The following SLC39A14 variants were observed in gnomAD, a reference collection of about 807,000 sequenced individuals.
SLC39A14 encodes metal cation symporter ZIP14.
Under a neutral mutation model 45.5 loss-of-function variants are expected in SLC39A14, and 19 were observed. That is an observed-to-expected ratio of 0.42 (90% CI 0.29 to 0.61). The LOEUF (loss-of-function observed/expected upper bound fraction) is 0.61. Ranked by LOEUF, SLC39A14 falls within the 20% of genes least tolerant of loss-of-function variation. SLC39A14 has a pLI of 0.22. For missense variants in SLC39A14, 447 were observed against 616.5 expected (o/e 0.73, Z 2.91); for synonymous variants, 264 against 251.3 (o/e 1.05, Z -0.48).
At chr8:22,428,847 G>T (rs1273886472) in intron 8 of SLC39A14, among the ~76,000 whole-genome samples, 1 of 152,196 alleles carries the variant, frequency 6.6e-6, no homozygotes, top group Non-Finnish European at 1.5e-5. Context: ...ACTTAAAGCA[G>T]CCTTGTAAAC....
In SLC39A14 at chr8:22,408,295, C is replaced by T; in HGVS notation, c.271-15C>T. The T allele has an allele frequency of 3.7e-6, 6 of 1,609,530 alleles. No homozygotes were observed. Among genetic ancestry groups the T allele is most frequent in the Non-Finnish European group, 5.1e-6 (6 of 1,176,428 alleles). ...TTTGGGGTCTAAGCGGCTTCCTGCC[C>T]TTCCTGTGTTTCAGTGCTTTAGTTC... is the stretch of plus-strand genomic sequence containing the variant. On this transcript the variant is annotated splice_polypyrimidine_tract_variant and intron_variant, in intron 2 of 8. Transcript: ENST00000381237.
intron 8 of SLC39A14, among the ~76,000 whole-genome samples, chr8:22,429,291 A>C (rs2132401624): frequency 6.6e-6 from 1 of 152,290 alleles, no homozygotes; most frequent in Middle Eastern, 3.4e-3. Flanking sequence ...CAAACAAAAA[A>C]AGAACACAGG....
At chr8:22,382,208 A>G (rs558685174) in intron 1 of SLC39A14, among the ~76,000 whole-genome samples, 1 of 152,328 alleles carries the variant, frequency 6.6e-6, no homozygotes, top group Non-Finnish European at 1.5e-5. Context: ...GAGTAGAAAT[A>G]TAAAAGTAAA....
At chr8:22,409,217 G>A (rs1363802655) in intron 3 of SLC39A14, among the ~76,000 whole-genome samples, 2 of 152,178 alleles carry the variant, frequency 1.3e-5, no homozygotes, top group Non-Finnish European at 2.9e-5. Context: ...CCCTGATCCA[G>A]CCACAGTGGG....
At chr8:22,419,485 T>C (rs1836096124) in intron 8 of SLC39A14, 67 bp from the exon 9 acceptor site, 1 of 1,476,584 alleles carries the variant, frequency 6.8e-7, no homozygotes, top group African/African-American at 1.4e-5. Flanking sequence ...TCTCCATCAC[T>C]GAATTGCCCT....
chr8:22,404,798 G>T lies in SLC39A14; in HGVS notation c.88G>T (p.Ala30Ser). 1 of 1,613,452 alleles carries T rather than the reference G, an allele frequency of 6.2e-7. No homozygotes were observed. Among genetic ancestry groups the T allele is most frequent in the Non-Finnish European group, 8.5e-7 (1 of 1,179,486 alleles). ...GLWRTTPEAH[A>S]SSLGAPAISA... Reference sequence around the variant, plus strand: ...ATGGAGAACCACCCCTGAGGCTCACGCTTCATCCCTGGGTGCACCAGCTAT... The same window carrying T: ...ATGGAGAACCACCCCTGAGGCTCACTCTTCATCCCTGGGTGCACCAGCTAT... The change falls in exon 2 of 9, where the codon GCT becomes TCT. Residue 30 changes from alanine (A) to serine (S), a missense_variant. Ala to Ser is a moderately conservative substitution (Grantham distance 99). Around this residue, in one of 2 missense-constraint regions of SLC39A14, gnomAD observed 342 missense variants for 428.1 expected, o/e 0.80. Transcript: ENST00000381237.
In SLC39A14 at chr8:22,371,414, C is replaced by CTTTTTTTTTTTT. The variant is rs373230777; in HGVS notation, c.-16+4032_-16+4043dup. ...GGATATCTAAAAAAAAAATACATGT[C>CTTTTTTTTTTTT]TTTTTTTTTTTTTTTTTTTTTTTTT... is the stretch of plus-strand genomic sequence containing the variant. On this transcript the variant is annotated intron_variant, in intron 1 of 8. Transcript: ENST00000381237. Among the ~76,000 whole-genome samples, 10 of 120,048 alleles carry CTTTTTTTTTTTT rather than the reference C, an allele frequency of 8.3e-5. 1 individual carries two copies. Among genetic ancestry groups the CTTTTTTTTTTTT allele is most frequent in the Non-Finnish European group, 1.8e-4 (9 of 49,486 alleles). 78.8% of individuals were successfully genotyped at this position (120,048 alleles called of 152,430 possible).
chr8:22,377,613 T>C (rs1833286236), intron 1 of SLC39A14, among the ~76,000 whole-genome samples: 1 of 152,232 alleles, frequency 6.6e-6, no homozygotes, highest in African/African-American at 2.4e-5. Flanking sequence ...TCTTTCCCTT[T>C]TCATGATGAC....
chr8:22,383,704 T>C lies in SLC39A14; in HGVS notation c.-16+16296T>C, dbSNP rs944014726. Among the ~76,000 whole-genome samples the C allele has an allele frequency of 2.6e-5, 4 of 152,150 alleles. No individual in the cohort carries two copies. The East Asian group carries it at 5.8e-4, about 22-fold the overall frequency. ...GATGACAAGGCTTTGAGCCCTGGAA[T>C]TCCTCCCTGCCTCCGCCCTTCTCTC... On this transcript the variant is annotated intron_variant, in intron 1 of 8. Transcript: ENST00000381237.
At chr8:22,403,122 G>A (rs1009958478) in intron 1 of SLC39A14, among the ~76,000 whole-genome samples, 2 of 151,746 alleles carry the variant, frequency 1.3e-5, no homozygotes, top group South Asian at 2.1e-4. Context: ...GACTACAGGC[G>A]CCCGCCACCA....
intron 3 of SLC39A14, chr8:22,409,949 G>C (rs1835470672): frequency 6.2e-7 from 1 of 1,613,780 alleles, no homozygotes; most frequent in African/African-American, 1.3e-5. Context: ...TCCACAGTGT[G>C]GGGCTTTGGT....
chr8:22,400,887 C>T (rs1052117391), intron 1 of SLC39A14, among the ~76,000 whole-genome samples: 11 of 152,140 alleles, frequency 7.2e-5, no homozygotes. Flanking sequence ...AGTTGGGAAC[C>T]CTGCTGATTT....
chr8:22,397,700 C>A (rs1329221900), intron 1 of SLC39A14, among the ~76,000 whole-genome samples: 1 of 152,192 alleles, frequency 6.6e-6, no homozygotes, highest in Non-Finnish European at 1.5e-5. Flanking sequence ...GCTCTTGGCT[C>A]ACCCAGGGCC....
At chr8:22,431,043 A>G (rs13282177) in intron 8 of SLC39A14, among the ~76,000 whole-genome samples, 47,485 of 147,822 alleles carry the variant, frequency 0.32, 7,772 homozygotes, top group East Asian at 0.51. Flanking sequence ...GCTGGAGTGC[A>G]GTGGCGTGAT....
intron 7 of SLC39A14, among the ~76,000 whole-genome samples, chr8:22,417,028 G>C (rs562340229): frequency 2.0e-5 from 3 of 152,316 alleles, no homozygotes; most frequent in Admixed American, 1.3e-4. Context: ...GATGAACCAG[G>C]GGGTAGGAGG....
intron 1 of SLC39A14, among the ~76,000 whole-genome samples, chr8:22,387,062 G>T (rs1367239147): frequency 6.6e-6 from 1 of 151,898 alleles, no homozygotes; most frequent in Non-Finnish European, 1.5e-5. Context: ...GGTCCTAGCT[G>T]CCCGTGAGGC....
intron 2 of SLC39A14, among the ~76,000 whole-genome samples, chr8:22,405,967 G>A (rs1835186372): frequency 6.6e-6 from 1 of 152,208 alleles, no homozygotes; most frequent in South Asian, 2.1e-4. Context: ...TGTCACGATG[G>A]GGAGTTCAAC....
At position 22,372,243 on chromosome 8, in the gene SLC39A14, C is replaced by T. The variant is rs186102326; in HGVS notation, c.-16+4835C>T. 1.4e-4 allele frequency among the ~76,000 whole-genome samples: 21 copies of T among 151,938 alleles called. No homozygotes were observed. The East Asian group carries it at 2.9e-3, about 21-fold the overall frequency. On this transcript the variant is annotated intron_variant, in intron 1 of 8. Transcript: ENST00000381237. ...TAAATTTTTTTTTCCTACTAGGCTC[C>T]GTATTCACATAGTTGAAAAATCAAG...
chr8:22,385,237 A>G (rs1833729891), intron 1 of SLC39A14, among the ~76,000 whole-genome samples: 1 of 152,102 alleles, frequency 6.6e-6, no homozygotes, highest in Non-Finnish European at 1.5e-5. Context: ...GAGCATAAAG[A>G]CCAAAGAACA....
Sources: gnomAD v4.1 joint callset for allele counts (sites outside exome capture counted in the v4.1 genomes callset) on GRCh38, gnomAD v4.1.1 for gene constraint, gnomAD v4.1.1 regional missense constraint, MANE v1.5 for transcripts, NCBI Gene and HGNC (gene_info 2026-07-23, HGNC 2026-07-21) for gene names.